AMER1: variants seen among roughly 807,000 people sequenced by gnomAD.
AMER1 encodes the protein APC membrane recruitment protein 1, also known as RP11-403E24.2.
A neutral mutation model predicts 53.0 loss-of-function variants in AMER1; 16 were observed. That is an observed-to-expected ratio of 0.30 (90% CI 0.20 to 0.46). The LOEUF (loss-of-function observed/expected upper bound fraction) is 0.46. Ranked by LOEUF, AMER1 falls within the 20% of genes least tolerant of loss-of-function variation. The pLI is 1.00. For synonymous variants in AMER1, 354 were observed against 331.9 expected (o/e 1.07, Z -0.73); for missense variants, 947 against 884.9 (o/e 1.07, Z -0.89).
At chrX:64,195,570 G>A (rs1381677769) in intron 1 of AMER1, among the ~76,000 whole-genome samples, 1 of 112,272 alleles carries the variant, frequency 8.9e-6, no homozygotes, top group Non-Finnish European at 1.9e-5. Context: ...GATCAGCAGA[G>A]GCATTAGATT....
rs766861490 is a variant in AMER1, at chrX:64,190,103, A to T, written c.3184T>A (p.Ser1062Thr). Reference protein sequence around the residue: ...LLPVDEPSCSSSSGGFSPSPL... With the variant: ...LLPVDEPSCSTSSGGFSPSPL... ...CTGGGGCTGAAGCCTCCAGAACTGG[A>T]AGAGCAACTGGGCTCATCAACAGGC... The change falls in exon 2 of 2, where the codon TCC becomes ACC. Residue 1062 changes from serine to threonine, a missense_variant. Coordinates refer to ENST00000374869, the MANE Select transcript of AMER1 (RefSeq NM_152424.4). 5.5e-5 allele frequency: 66 copies of T among 1,204,806 alleles called. No individual in the cohort carries two copies.
In AMER1 at chrX:64,186,067, G is replaced by T. The variant is rs1331279005; in HGVS notation, c.*3812C>A. On this transcript the variant is annotated 3_prime_UTR_variant, in exon 2 of 2. Coordinates refer to ENST00000374869, the MANE Select transcript of AMER1 (RefSeq NM_152424.4). ...AGAGGGTCTAGACATGGGGAAGAAG[G>T]GTTCAAAAGAAAGAAAAACATAAAA... The T allele has an allele frequency of 7.2e-6, 8 of 1,112,564 alleles. No homozygotes were observed. The highest frequency in any genetic ancestry group is 9.9e-6 in the Non-Finnish European group (8 of 807,318). The allele number at this position is 1,112,564 out of a possible 1,213,427, so 91.7% of individuals were successfully genotyped here. A position where few individuals can be genotyped will look rare whatever the true frequency, so the allele number is the denominator to read the frequency against.
intron 1 of AMER1, among the ~76,000 whole-genome samples, chrX:64,201,011 CG>C (rs1930476968): frequency 9.0e-6 from 1 of 110,655 alleles, no homozygotes; most frequent in Non-Finnish European, 1.9e-5. Flanking sequence ...GGAAGCCCAG[CG>C]GGGGTAAAAA....
intron 1 of AMER1, among the ~76,000 whole-genome samples, chrX:64,194,432 C>CA (rs1332967290): frequency 9.0e-6 from 1 of 111,706 alleles, no homozygotes; most frequent in East Asian, 2.8e-4. Flanking sequence ...CTCAATCCTC[C>CA]AAATGCCCAA....
In AMER1 at chrX:64,186,150, T is replaced by A; in HGVS notation, c.*3729A>T. Reference sequence around the variant, plus strand: ...TCCCACACGCCTGAGTCACTTGGCGTTTGTCTTCAGTACCTGGGCATCTTC... The same window carrying A: ...TCCCACACGCCTGAGTCACTTGGCGATTGTCTTCAGTACCTGGGCATCTTC... On this transcript the variant is annotated 3_prime_UTR_variant, in exon 2 of 2. Transcript: ENST00000374869. 8.3e-7 allele frequency: 1 copy of A among 1,210,069 alleles called. No individual in the cohort carries two copies. Among genetic ancestry groups the A allele is most frequent in the Non-Finnish European group, 1.1e-6 (1 of 894,627 alleles).
chrX:64,200,092 G>T (rs1930454445), intron 1 of AMER1, among the ~76,000 whole-genome samples: 1 of 112,610 alleles, frequency 8.9e-6, no homozygotes, highest in Non-Finnish European at 1.9e-5. Context: ...GGGACTTTGG[G>T]AGCCACTTAC....
chrX:64,197,591 C>T (rs1046347726), intron 1 of AMER1, among the ~76,000 whole-genome samples: 6 of 112,862 alleles, frequency 5.3e-5, no homozygotes, highest in African/African-American at 1.9e-4. Context: ...TATGCAGTAG[C>T]TCCAGAGACA....
At chrX:64,194,405 C>A (rs1930323055) in intron 1 of AMER1, among the ~76,000 whole-genome samples, 1 of 111,808 alleles carries the variant, frequency 8.9e-6, no homozygotes, top group Non-Finnish European at 1.9e-5. Flanking sequence ...GCAAGCCACA[C>A]CCTTCTGGTC....
chrX:64,192,246 C>T lies in AMER1; in HGVS notation c.1041G>A (p.Gly347=), dbSNP rs2147089183. 3 of 1,212,145 alleles carry T rather than the reference C, an allele frequency of 2.5e-6. No homozygotes were observed. Among genetic ancestry groups the T allele is most frequent in the Non-Finnish European group, 2.2e-6 (2 of 895,616 alleles). The part of the protein sequence containing the change: ...MDSMTDSMAS[G]GQRANRDGTK... ...TCCCATCTCGGTTTGCTCTCTGGCC[C>T]CCAGAGGCCATGCTGTCTGTCATAC... The change falls in exon 2 of 2, where the codon GGG becomes GGA. Residue 347 remains glycine, a synonymous_variant. Coordinates refer to ENST00000374869, the MANE Select transcript of AMER1 (RefSeq NM_152424.4).
chrX:64,191,097 T>C lies in AMER1; in HGVS notation c.2190A>G (p.Pro730=). 1 of 1,212,337 alleles carries C rather than the reference T, an allele frequency of 8.2e-7. No homozygotes were observed. Among genetic ancestry groups the C allele is most frequent in the Non-Finnish European group, 1.1e-6 (1 of 895,667 alleles). Residue 730 remains proline (P), a synonymous_variant, in exon 2 of 2, where the codon CCA becomes CCG. Coordinates refer to ENST00000374869, the MANE Select transcript of AMER1 (RefSeq NM_152424.4). ...CTCCAAAATTTGCTTCTTGCATGTCTGGCTCAAACATGGCATCACTCTGGA... is the reference window on the plus strand; with the variant it reads ...CTCCAAAATTTGCTTCTTGCATGTCCGGCTCAAACATGGCATCACTCTGGA... ...QLFQSDAMFE[P]DMQEANFGGS... is the part of the protein sequence containing the mutation.
In AMER1 at chrX:64,191,376, C is replaced by G. The variant is rs2147087176; in HGVS notation, c.1911G>C (p.Glu637Asp). The stretch of plus-strand genomic sequence containing the variant: ...GGGCCTGGGTCTCTCGGACTTGAGT[C>G]TCTCTACAACGAACCTCTCGGGCCT... ...EAQAREVRCR[E>D]TQVRETQARQ... is the part of the protein sequence containing the mutation. The change falls in exon 2 of 2, where the codon GAG becomes GAC. Residue 637 changes from glutamate (E) to aspartate (D), a missense_variant. Transcript: ENST00000374869. 2 of 1,211,892 alleles carry G rather than the reference C, an allele frequency of 1.7e-6. No homozygotes were observed. Among genetic ancestry groups the G allele is most frequent in the Non-Finnish European group, 1.1e-6 (1 of 895,517 alleles).
intron 1 of AMER1, among the ~76,000 whole-genome samples, chrX:64,195,771 G>A (rs973104526): frequency 7.1e-5 from 8 of 112,481 alleles, no homozygotes; most frequent in African/African-American, 2.3e-4. Context: ...GTTGGGAACC[G>A]CTGCCTTAAA....
At position 64,190,786 on chromosome X, in the gene AMER1, A is replaced by G. The variant is rs2147085940; in HGVS notation, c.2501T>C (p.Leu834Pro). 8.3e-7 allele frequency: 1 copy of G among 1,209,572 alleles called. No individual in the cohort carries two copies. The highest frequency in any genetic ancestry group is 1.1e-6 in the Non-Finnish European group (1 of 894,330). Reference sequence around the variant, plus strand: ...CTCAAAGGCTTCCAAGGAGGCTGCAAGATCTTCATCATTGTGGAACTCAGG... The same window carrying G: ...CTCAAAGGCTTCCAAGGAGGCTGCAGGATCTTCATCATTGTGGAACTCAGG... ...ENPEFHNDED[L>P]AASLEAFELG... The change falls in exon 2 of 2, where the codon CTT becomes CCT. Residue 834 changes from leucine (L) to proline (P), a missense_variant. Leu to Pro is a moderately conservative substitution (Grantham distance 98). Transcript: ENST00000374869.
chrX:64,187,911 G>A lies in AMER1; in HGVS notation c.*1968C>T. On this transcript the variant is annotated 3_prime_UTR_variant, in exon 2 of 2. Transcript: ENST00000374869. ...TCTTCACAATGTATCTGTAGCCAAA[G>A]TCAGCCTGAAGAGCTGGTCTGGGTC... 1.3e-6 allele frequency: 1 copy of A among 778,973 alleles called. No individual in the cohort carries two copies. Among genetic ancestry groups the A allele is most frequent in the Non-Finnish European group, 1.5e-6 (1 of 653,818 alleles). 64.2% of individuals were successfully genotyped at this position (778,973 alleles called of 1,213,427 possible). A position where few individuals can be genotyped will look rare whatever the true frequency, so the allele number is the denominator to read the frequency against.
chrX:64,189,793 A>ACCGGGCCC lies in AMER1; in HGVS notation c.*85_*86insGGGCCCGG. ...CAAAGGGTTTTCAAGTTAAACAACA[A>ACCGGGCCC]CCCCCACCCCCCCACCCTTCTGCCC... On this transcript the variant is annotated 3_prime_UTR_variant, in exon 2 of 2. Transcript: ENST00000374869. 3.4e-6 allele frequency: 1 copy of ACCGGGCCC among 292,062 alleles called. No individual in the cohort carries two copies. Among genetic ancestry groups the ACCGGGCCC allele is most frequent in the Non-Finnish European group, 4.9e-6 (1 of 204,822 alleles). 24.1% of individuals were successfully genotyped at this position (292,062 alleles called of 1,213,427 possible). A position where few individuals can be genotyped will look rare whatever the true frequency, so the allele number is the denominator to read the frequency against.
chrX:64,204,372 T>A (rs763128936), intron 1 of AMER1, among the ~76,000 whole-genome samples: 46 of 113,951 alleles, frequency 4.0e-4, no homozygotes, highest in Non-Finnish European at 5.0e-4. Context: ...GGAGACCAGC[T>A]CTGCGGGGCC....
chrX:64,196,254 C>G (rs1339106661), intron 1 of AMER1, among the ~76,000 whole-genome samples: 1 of 111,798 alleles, frequency 8.9e-6, no homozygotes, highest in South Asian at 3.8e-4. Flanking sequence ...TGCCAAGGGA[C>G]CCTGAATGGG....
rs768573091 is a variant in AMER1 at position 64,193,290 on chromosome X, G to T, written c.-4C>A. On this transcript the variant is annotated 5_prime_UTR_variant, in exon 2 of 2. Coordinates refer to ENST00000374869, the MANE Select transcript of AMER1 (RefSeq NM_152424.4). Reference sequence around the variant, plus strand: ...CTTCATCCTTTTGGGTCTCCATGATGATGGGGACAACTGAGGTACGTCCAG... The same window carrying T: ...CTTCATCCTTTTGGGTCTCCATGATTATGGGGACAACTGAGGTACGTCCAG... The T allele has an allele frequency of 8.3e-7, 1 of 1,211,480 alleles. No homozygotes were observed. Among genetic ancestry groups the T allele is most frequent in the African/African-American group, 1.7e-5 (1 of 57,709 alleles).
chrX:64,198,012 G>A (rs189695630), intron 1 of AMER1, among the ~76,000 whole-genome samples: 19 of 112,445 alleles, frequency 1.7e-4, no homozygotes, highest in Non-Finnish European at 1.1e-4. Flanking sequence ...AATCATCTCA[G>A]TCAGGTTGAG....
Sources: gnomAD v4.1 joint callset for allele counts (sites outside exome capture counted in the v4.1 genomes callset) on GRCh38, gnomAD v4.1.1 for gene constraint, MANE v1.5 for transcripts, NCBI Gene and HGNC (gene_info 2026-07-23, HGNC 2026-07-21) for gene names.